Variants in PAPOLA observed in about 807,000 individuals in gnomAD.
PAPOLA encodes poly(A) polymerase alpha.
PAPOLA carries 15 observed loss-of-function variants against 100.6 expected under a neutral mutation model. The observed-to-expected ratio is 0.15, with a 90% CI of 0.10 to 0.23. The LOEUF (loss-of-function observed/expected upper bound fraction) is 0.23. PAPOLA is among the 10% of genes least tolerant of loss of function. PAPOLA has a pLI of 1.00. For missense variants in PAPOLA, 533 were observed against 884.2 expected, an observed-to-expected ratio of 0.60 and a Z score of 5.04; for synonymous variants, 293 against 300.0, an observed-to-expected ratio of 0.98 and a Z score of 0.24.
At chr14:96,526,773 GTTC>G (rs1486819605) in intron 4 of PAPOLA, 3 of 152,366 alleles carry the variant, frequency 2.0e-5, no homozygotes, top group African/African-American at 7.2e-5. Context: ...GCTGTACACC[GTTC>G]TTCCTGTTCT....
intron 9 of PAPOLA, 149 bp from the exon 10 acceptor site, chr14:96,534,342 C>T (rs1899333355): frequency 2.1e-6 from 3 of 1,425,216 alleles, no homozygotes; most frequent in Non-Finnish European, 2.7e-6. Context: ...TTTGAGTAGT[C>T]TAATGTCGTC....
chr14:96,533,265 C>A (rs1899203592), intron 9 of PAPOLA: 1 of 984,510 alleles, frequency 1.0e-6, no homozygotes, highest in Admixed American at 6.2e-5. Flanking sequence ...ATATTAATTG[C>A]CTTGGCCCAA....
intron 12 of PAPOLA, chr14:96,537,781 A>G (rs975400280): frequency 1.3e-5 from 2 of 149,602 alleles, no homozygotes; most frequent in East Asian, 3.9e-4. Flanking sequence ...CCCACTTAAA[A>G]TTTTTTTTTT....
Position 96,502,554 on chromosome 14 carries a change from C to A in PAPOLA, c.-39C>A. On this transcript the variant is annotated 5_prime_UTR_variant, in exon 1 of 22. Transcript: ENST00000216277. ...CCCAGGGCGGCAGCGGCGGCGGTTG[C>A]GGGGGGGAAGTGACTGGGCGGTGCC... 1 of 1,513,168 alleles carries A rather than the reference C, an allele frequency of 6.6e-7. No homozygotes were observed. Among genetic ancestry groups the A allele is most frequent in the South Asian group, 1.2e-5 (1 of 80,974 alleles). 93.7% of individuals were successfully genotyped at this position (1,513,168 alleles called of 1,614,324 possible).
chr14:96,549,632 C>T (rs552797314), intron 16 of PAPOLA, among the ~76,000 whole-genome samples: 1 of 152,190 alleles, frequency 6.6e-6, no homozygotes, highest in East Asian at 1.9e-4. Context: ...TCTCAATGTA[C>T]TATTTATACA....
chr14:96,521,196 C>A, intron 3 of PAPOLA, 124 bp downstream of exon 3: 1 of 636,766 alleles, frequency 1.6e-6, no homozygotes, highest in South Asian at 1.9e-5. Flanking sequence ...CAATTTTAGA[C>A]TATTGATAAC....
At chr14:96,561,468 G>T (rs72706857) in intron 20 of PAPOLA, among the ~76,000 whole-genome samples, 17,019 of 152,078 alleles carry the variant, frequency 0.11, 1,040 homozygotes, top group South Asian at 0.17. Flanking sequence ...CAAGAAAAAA[G>T]TATGTGTATC....
At chr14:96,551,899 A>G (rs2140319770) in intron 16 of PAPOLA, among the ~76,000 whole-genome samples, 1 of 152,310 alleles carries the variant, frequency 6.6e-6, no homozygotes, top group East Asian at 1.9e-4. Flanking sequence ...AGTATTAAGC[A>G]TGCCATTTAA....
In PAPOLA at chr14:96,559,550, CCTCTCTCTCTCT is replaced by C. The variant is rs66829530; in HGVS notation, c.2005-1078_2005-1067del. On this transcript the variant is annotated intron_variant, in intron 19 of 21. Transcript: ENST00000216277. ...ATTTCCTGGATTATAGCTAAATTAA[CCTCTCTCTCTCT>C]CTCTCTCTCTCTCTCTCTCTATATA... Among the ~76,000 whole-genome samples the C allele has an allele frequency of 1.5e-4, 18 of 118,482 alleles. No homozygotes were observed. In the South Asian group the frequency reaches 5.0e-3, roughly 33 times the overall value. The allele number at this position is 118,482 out of a possible 152,430, so 77.7% of individuals were successfully genotyped here. A position where few individuals can be genotyped will look rare whatever the true frequency, so the allele number is the denominator to read the frequency against.
chr14:96,512,631 A>G (rs769251745), intron 1 of PAPOLA, among the ~76,000 whole-genome samples: 3 of 152,210 alleles, frequency 2.0e-5, no homozygotes, highest in Non-Finnish European at 4.4e-5. Flanking sequence ...TATGATCGTA[A>G]TTATATTCTG....
At chr14:96,538,030 T>C (rs1899680891) in intron 12 of PAPOLA, 1 of 152,042 alleles carries the variant, frequency 6.6e-6, no homozygotes, top group African/African-American at 2.4e-5. Flanking sequence ...AATACTCTTA[T>C]TTTACTACGA....
At chr14:96,532,279 TTGTTTTG>T (rs934656483) in intron 7 of PAPOLA, 45 bp from the exon 8 acceptor site, 89 of 1,521,168 alleles carry the variant, frequency 5.9e-5, no homozygotes, top group Middle Eastern at 1.8e-4. Context: ...TTGTTTTGTT[TTGTTTTG>T]TGTGTGTGTG....
intron 6 of PAPOLA, among the ~76,000 whole-genome samples, chr14:96,528,608 T>C (rs1898707559): frequency 6.6e-6 from 1 of 152,198 alleles, no homozygotes; most frequent in South Asian, 2.1e-4. Context: ...GTAAGAGAAA[T>C]AATTTATTGA....
chr14:96,508,226 AC>A (rs1256559632), intron 1 of PAPOLA, among the ~76,000 whole-genome samples: 1 of 152,014 alleles, frequency 6.6e-6, no homozygotes, highest in Non-Finnish European at 1.5e-5. Context: ...ACCTCAGCCC[AC>A]CCCAACCGTC....
At chr14:96,507,944 C>T (rs116592779) in intron 1 of PAPOLA, among the ~76,000 whole-genome samples, 8,344 of 152,134 alleles carry the variant, frequency 0.055, 225 homozygotes, top group Non-Finnish European at 0.058. Flanking sequence ...GGTGCTAGCT[C>T]GGCTCACTGC....
At chr14:96,504,053 G>A (rs372170948) in intron 1 of PAPOLA, among the ~76,000 whole-genome samples, 17 of 152,258 alleles carry the variant, frequency 1.1e-4, no homozygotes, top group African/African-American at 4.1e-4. Flanking sequence ...CCCTTTCATA[G>A]AATAAGAGAC....
chr14:96,539,750 T>C (rs1310551242), intron 12 of PAPOLA, among the ~76,000 whole-genome samples: 1 of 152,162 alleles, frequency 6.6e-6, no homozygotes, highest in African/African-American at 2.4e-5. Flanking sequence ...CTAATTTAGA[T>C]GTACACTAGG....
intron 17 of PAPOLA, 51 bp downstream of exon 17, chr14:96,552,673 C>T (rs777571635): frequency 1.4e-6 from 2 of 1,473,288 alleles, no homozygotes; most frequent in Admixed American, 1.9e-5. Context: ...CTAAATCAAT[C>T]AGATACATTC....
intron 17 of PAPOLA, chr14:96,552,962 C>G (rs1672761627): frequency 5.0e-6 from 1 of 200,248 alleles, no homozygotes; most frequent in South Asian, 1.3e-4. Flanking sequence ...AACCACCTTT[C>G]TGTCCCAGAG....
Sources: gnomAD v4.1 joint callset for allele counts (sites outside exome capture counted in the v4.1 genomes callset) on GRCh38, gnomAD v4.1.1 for gene constraint, MANE v1.5 for transcripts, NCBI Gene and HGNC (gene_info 2026-07-23, HGNC 2026-07-21) for gene names.